INPP4A: variants seen among roughly 807,000 people sequenced by gnomAD.
INPP4A encodes the protein inositol polyphosphate-4-phosphatase, type I, 107kD.
A neutral mutation model predicts 119.8 loss-of-function variants in INPP4A; 33 were observed. That is an observed-to-expected ratio of 0.28 (90% CI 0.21 to 0.37). The LOEUF is 0.37. Among genes scored for constraint, INPP4A ranks in the 10% least tolerant of loss-of-function variants. The pLI is 1.00. For missense variants in INPP4A, 956 were observed against 1,289.9 expected (o/e 0.74, Z 3.97); for synonymous variants, 496 against 500.7 (o/e 0.99, Z 0.12).
At chr2:98,448,110 A>G (rs905454681) in intron 1 of INPP4A, among the ~76,000 whole-genome samples, 3 of 151,304 alleles carry the variant, frequency 2.0e-5, no homozygotes, top group Non-Finnish European at 2.9e-5. Flanking sequence ...AATCCCAGCA[A>G]TTTGGGAGGC....
chr2:98,487,366 G>A (rs1367467790), intron 1 of INPP4A, among the ~76,000 whole-genome samples: 17 of 152,098 alleles, frequency 1.1e-4, no homozygotes. Flanking sequence ...CCTTGACAGT[G>A]TTTAGAGACA....
At chr2:98,475,414 C>T (rs1677012234) in intron 1 of INPP4A, among the ~76,000 whole-genome samples, 1 of 152,136 alleles carries the variant, frequency 6.6e-6, no homozygotes, top group Non-Finnish European at 1.5e-5. Context: ...GTTCTGAGGT[C>T]ATCTTTCTTT....
Position 98,533,384 on chromosome 2 carries a change from T to C in INPP4A, c.159T>C (p.Ser53=), listed in dbSNP as rs780203638. The C allele has an allele frequency of 1.2e-6, 2 of 1,609,492 alleles. No individual in the cohort carries two copies. Among genetic ancestry groups the C allele is most frequent in the Non-Finnish European group, 1.7e-6 (2 of 1,176,318 alleles). Residue 53 remains serine (S), a synonymous_variant, in exon 5 of 25, where the codon AGT becomes AGC. Coordinates refer to ENST00000409851, the MANE Select transcript of INPP4A (RefSeq NM_001134225.2). Reference sequence around the variant, plus strand: ...CCCGTGTTGATTCTGTAGCTTGCAGTGAGCTGCATACTCCATCGCTAGATC... The same window carrying C: ...CCCGTGTTGATTCTGTAGCTTGCAGCGAGCTGCATACTCCATCGCTAGATC... ...EPILEFSLAC[S]ELHTPSLDRK...
chr2:98,524,954 T>C (rs935763842), intron 4 of INPP4A, among the ~76,000 whole-genome samples: 1 of 152,228 alleles, frequency 6.6e-6, no homozygotes, highest in African/African-American at 2.4e-5. Flanking sequence ...ATAAATGTAT[T>C]ATCTTACAGT....
intron 1 of INPP4A, among the ~76,000 whole-genome samples, chr2:98,476,885 G>A (rs1677336796): frequency 1.3e-5 from 2 of 152,170 alleles, no homozygotes; most frequent in African/African-American, 2.4e-5. Context: ...AGTGTTCCCT[G>A]TTCTCTGGGT....
At position 98,472,937 on chromosome 2, in the gene INPP4A, G is replaced by GCA. The variant is rs1455360147; in HGVS notation, c.-166+27852_-166+27853insCA. 2.0e-5 allele frequency among the ~76,000 whole-genome samples: 3 copies of GCA among 152,188 alleles called. No individual in the cohort carries two copies. The East Asian group carries it at 5.8e-4, about 29-fold the overall frequency. On this transcript the variant is annotated intron_variant, in intron 1 of 24. Coordinates refer to ENST00000409851, the MANE Select transcript of INPP4A (RefSeq NM_001134225.2). Reference sequence around the variant, plus strand: ...GTGGGAGTGCCCTAGGCAGGAGAAAGGAGTGTATTGTAGGTGCAGTGTAGA... The same window carrying GCA: ...GTGGGAGTGCCCTAGGCAGGAGAAAGCAGAGTGTATTGTAGGTGCAGTGTAGA...
At chr2:98,504,180 A>G (rs1683629049) in intron 1 of INPP4A, among the ~76,000 whole-genome samples, 1 of 152,216 alleles carries the variant, frequency 6.6e-6, no homozygotes, top group Non-Finnish European at 1.5e-5. Flanking sequence ...AACGCTGAAC[A>G]ACCAGCAACA....
rs536365553 is a variant in INPP4A at position 98,568,578 on chromosome 2, G to A, written c.2428G>A (p.Asp810Asn). 8 of 1,585,838 alleles carry A rather than the reference G, an allele frequency of 5.0e-6. No individual in the cohort carries two copies. Among genetic ancestry groups the A allele is most frequent in the Admixed American group, 1.8e-5 (1 of 57,012 alleles). Residue 810 changes from aspartate (D) to asparagine (N), a missense_variant, in exon 22 of 25, where the codon GAT becomes AAT. Coordinates refer to ENST00000409851, the MANE Select transcript of INPP4A (RefSeq NM_001134225.2). ...CCCCTATAACCTCCCAAGGTTTGGC[G>A]ATACGTCTTTACAAGAAGTCATCAA... ...EQQTLAERFG[D>N]TSLQEVINVE... is the part of the protein sequence containing the mutation.
At chr2:98,488,930 A>C (rs900065851) in intron 1 of INPP4A, among the ~76,000 whole-genome samples, 39 of 143,672 alleles carry the variant, frequency 2.7e-4, no homozygotes, top group Non-Finnish European at 5.6e-4. Flanking sequence ...TTTTGAGTAC[A>C]TGCACTGTGT....
At chr2:98,469,249 G>A (rs1675457691) in intron 1 of INPP4A, among the ~76,000 whole-genome samples, 1 of 151,902 alleles carries the variant, frequency 6.6e-6, no homozygotes, top group Non-Finnish European at 1.5e-5. Context: ...CTGTAATCCC[G>A]GCACTTTGGG....
At chr2:98,551,204 C>T (rs1041299971) in intron 13 of INPP4A, among the ~76,000 whole-genome samples, 24 of 152,346 alleles carry the variant, frequency 1.6e-4, no homozygotes, top group African/African-American at 5.8e-4. Flanking sequence ...AATCCACCCA[C>T]CTTGGCCTAC....
chr2:98,533,467 C>T lies in INPP4A; in HGVS notation c.242C>T (p.Thr81Met), dbSNP rs766419021. The change falls in exon 5 of 25, where the codon ACG becomes ATG. Residue 81 changes from threonine (T) to methionine (M), a missense_variant. Transcript: ENST00000409851. ...ACCACCCCTCCTCAGGCATTCTGGA[C>T]GAAGCATGCACAGACGGAGATCATT... ...SVTTPPQAFW[T>M]KHAQTEIIEG... is the part of the protein sequence containing the mutation. The T allele has an allele frequency of 4.0e-5, 64 of 1,612,774 alleles. No homozygotes were observed. Among genetic ancestry groups the T allele is most frequent in the African/African-American group, 1.1e-4 (8 of 74,894 alleles).
chr2:98,466,408 A>G (rs1283382340), intron 1 of INPP4A, among the ~76,000 whole-genome samples: 1 of 152,252 alleles, frequency 6.6e-6, no homozygotes, highest in Non-Finnish European at 1.5e-5. Flanking sequence ...TGTTGGCTCA[A>G]GGGGGTGACA....
intron 1 of INPP4A, among the ~76,000 whole-genome samples, chr2:98,483,872 G>A (rs564244603): frequency 1.2e-4 from 18 of 151,964 alleles, no homozygotes; most frequent in African/African-American, 1.7e-4. Flanking sequence ...AGTGAAGTCC[G>A]GTCTTCCTCT....
At chr2:98,450,960 G>A (rs1457520251) in intron 1 of INPP4A, among the ~76,000 whole-genome samples, 2 of 152,044 alleles carry the variant, frequency 1.3e-5, no homozygotes, top group African/African-American at 4.8e-5. Flanking sequence ...TAGTAGAGAC[G>A]GGGTTTCACC....
Position 98,529,566 on chromosome 2 carries a change from C to G in INPP4A, c.152-3811C>G, listed in dbSNP as rs896395036. 2.6e-5 allele frequency among the ~76,000 whole-genome samples: 4 copies of G among 152,016 alleles called. No individual in the cohort carries two copies. In the South Asian group the frequency reaches 6.2e-4, roughly 24 times the overall value. On this transcript the variant is annotated intron_variant, in intron 4 of 24. Transcript: ENST00000409851. ...CTGGCTAAACGGTGAAACCCCGTCTCTACTAAAAAAATACAAAAAATTAGC... is the reference window on the plus strand; with the variant it reads ...CTGGCTAAACGGTGAAACCCCGTCTGTACTAAAAAAATACAAAAAATTAGC...
intron 15 of INPP4A, 27 bp from the exon 16 acceptor site, chr2:98,555,526 C>T (rs772125582): frequency 2.5e-6 from 4 of 1,569,130 alleles, no homozygotes; most frequent in East Asian, 4.5e-5. Flanking sequence ...GGAGAGCTGA[C>T]CCACATGGGC....
At chr2:98,515,441 G>A (rs1424174286) in intron 1 of INPP4A, among the ~76,000 whole-genome samples, 2 of 151,874 alleles carry the variant, frequency 1.3e-5, no homozygotes, top group African/African-American at 2.4e-5. Context: ...GGGGTAGGAC[G>A]GGGGTGGGGT....
At chr2:98,486,276 G>C (rs2105139817) in intron 1 of INPP4A, among the ~76,000 whole-genome samples, 1 of 152,340 alleles carries the variant, frequency 6.6e-6, no homozygotes, top group Admixed American at 6.5e-5. Flanking sequence ...TGCTGGTGAT[G>C]CTGTGTGAAG....
Sources: allele counts gnomAD v4.1 joint callset (sites outside exome capture counted in the v4.1 genomes callset), GRCh38; gene constraint gnomAD v4.1.1; transcripts MANE v1.5; gene names NCBI Gene and HGNC (gene_info 2026-07-23, HGNC 2026-07-21).